SPHK1: variants seen among roughly 807,000 people sequenced by gnomAD.
The protein encoded by SPHK1 is SK 1.
SPHK1 carries 10 observed loss-of-function variants against 14.6 expected under a neutral mutation model. The ratio of observed to expected loss-of-function variants is 0.68; its 90% confidence interval spans 0.42 to 1.16. The LOEUF is 1.16. Ranked by LOEUF, SPHK1 falls within the 50% of genes most tolerant of loss-of-function variation. The probability of loss-of-function intolerance (pLI) is 0.00; values close to 1 mark genes in which losing one functional copy is unlikely to be tolerated. For missense variants in SPHK1, 553 were observed against 525.4 expected (o/e 1.05, Z -0.51); for synonymous variants, 274 against 224.0 (o/e 1.22, Z -1.99).
chr17:76,385,428 C>T lies in SPHK1; in HGVS notation c.-194-23C>T. On this transcript the variant is annotated intron_variant, in intron 1 of 5. Coordinates refer to ENST00000592299, the MANE Select transcript of SPHK1 (RefSeq NM_001142601.2). This position sits in a 1 kb window ranked among gnomAD's most constrained non-coding sequence, Gnocchi z 5.3. ...TGGCAGCTGCGGCCCCGGACTCCGC[C>T]AGCGCTGTCTTCTCTCCCTCAGGTC... 1.3e-6 allele frequency: 2 copies of T among 1,504,682 alleles called. No individual in the cohort carries two copies. Among genetic ancestry groups the T allele is most frequent in the Non-Finnish European group, 1.8e-6 (2 of 1,130,890 alleles). 93.2% of individuals were successfully genotyped at this position (1,504,682 alleles called of 1,614,324 possible).
At chr17:76,383,773 G>A, upstream of SPHK1, 4 of 1,193,512 alleles carry the variant, frequency 3.4e-6, no homozygotes, top group Non-Finnish European at 4.4e-6. Flanking sequence ...GGCCTCCAAA[G>A]AAGTGACAAC....
chr17:76,383,265 A>G (rs1455165897), upstream of SPHK1: 1 of 151,014 alleles, frequency 6.6e-6, no homozygotes, highest in Non-Finnish European at 1.5e-5. Context: ...GGGCCGCGCA[A>G]GGCGAAGGCG....
chr17:76,385,884 G>A lies in SPHK1; in HGVS notation c.11-101G>A. On this transcript the variant is annotated intron_variant, in intron 2 of 5. Transcript: ENST00000592299. The surrounding 1 kb of genome is among the most constrained non-coding windows in gnomAD (Gnocchi z 5.3). ...CTCCTCTGGCCAGGGTCAATTACCG[G>A]GGTGTTTCGGGCACCAAGTTCCCAC... 1 of 1,491,598 alleles carries A rather than the reference G, an allele frequency of 6.7e-7. No individual in the cohort carries two copies. The highest frequency in any genetic ancestry group is 2.5e-5 in the East Asian group (1 of 40,564). 92.4% of individuals were successfully genotyped at this position (1,491,598 alleles called of 1,614,324 possible). A position where few individuals can be genotyped will look rare whatever the true frequency, so the allele number is the denominator to read the frequency against.
At position 76,387,126 on chromosome 17, in the gene SPHK1, GCC is replaced by G; in HGVS notation, c.697_698del (p.Pro233GlyfsTer38). The G allele has an allele frequency of 6.2e-7, 1 of 1,613,238 alleles. No individual in the cohort carries two copies. ...GCCTCCCCCGTTGTGGTCCAGCAGG[GCC>G]CGGTAGATGCACACCTTGTGCCACT... On this transcript the variant is annotated frameshift_variant, in exon 6 of 6. Coordinates refer to ENST00000592299, the MANE Select transcript of SPHK1 (RefSeq NM_001142601.2). LOFTEE classifies it low-confidence loss of function (END_TRUNC). The surrounding 1 kb of genome is among the most constrained non-coding windows in gnomAD (Gnocchi z 4.1).
At position 76,385,869 on chromosome 17, in the gene SPHK1, C is replaced by T; in HGVS notation, c.11-116C>T. The T allele has an allele frequency of 6.7e-7, 1 of 1,487,942 alleles. No homozygotes were observed. Among genetic ancestry groups the T allele is most frequent in the Non-Finnish European group, 9.0e-7 (1 of 1,114,114 alleles). The allele number at this position is 1,487,942 out of a possible 1,614,324, so 92.2% of individuals were successfully genotyped here. ...TCCCAGCAAAGGCCGCTCCTCTGGC[C>T]AGGGTCAATTACCGGGGTGTTTCGG... On this transcript the variant is annotated intron_variant, in intron 2 of 5. Coordinates refer to ENST00000592299, the MANE Select transcript of SPHK1 (RefSeq NM_001142601.2). The surrounding 1 kb of genome is among the most constrained non-coding windows in gnomAD (Gnocchi z 5.3).
At chr17:76,384,874 G>C (rs944185478) in intron 1 of SPHK1, 68 bp downstream of exon 1, 2 of 432,606 alleles carry the variant, frequency 4.6e-6, no homozygotes, top group Non-Finnish European at 8.0e-6. Flanking sequence ...CGGGGCCCCG[G>C]GAACTGGGCC....
In SPHK1 at chr17:76,386,554, TC is replaced by T. The variant is rs757434966; in HGVS notation, c.374+47del. Reference sequence around the variant, plus strand: ...TAGGCCTGTTTCCCGTCAGTGCTCCTCTACCGCGGGGGTTTTCTTGTCTAAG... The same window carrying T: ...TAGGCCTGTTTCCCGTCAGTGCTCCTTACCGCGGGGGTTTTCTTGTCTAAG... On this transcript the variant is annotated intron_variant, in intron 5 of 5. Transcript: ENST00000592299. The surrounding 1 kb of genome is among the most constrained non-coding windows in gnomAD (Gnocchi z 5.3). 23 of 1,544,796 alleles carry T rather than the reference TC, an allele frequency of 1.5e-5. No homozygotes were observed. The highest frequency in any genetic ancestry group is 1.9e-5 in the Non-Finnish European group (22 of 1,132,686).
Position 76,386,296 on chromosome 17 carries a change from G to T in SPHK1, c.239G>T (p.Gly80Val). Residue 80 changes from glycine (G) to valine (V), a missense_variant, in exon 4 of 6, where the codon GGA becomes GTA. Gly to Val is a moderately radical substitution (Grantham distance 109). Transcript: ENST00000592299. The surrounding 1 kb of genome is among the most constrained non-coding windows in gnomAD (Gnocchi z 5.3). ...GRWDALVVMSGDGLMHEVVNG... is the reference protein window; with the variant it reads ...GRWDALVVMSVDGLMHEVVNG... ...TGGGACGCTCTGGTGGTCATGTCTG[G>T]AGACGGGCTGATGCACGAGGTGAGG... The T allele has an allele frequency of 6.2e-7, 1 of 1,603,282 alleles. No homozygotes were observed.
Position 76,385,207 on chromosome 17 carries a change from T to G in SPHK1, c.-194-244T>G. ...TCCGTCGGAGGGAGCCACGGGGCTCTGACTCATCCGTCGGGCCGGAACCGA... is the reference window on the plus strand; with the variant it reads ...TCCGTCGGAGGGAGCCACGGGGCTCGGACTCATCCGTCGGGCCGGAACCGA... On this transcript the variant is annotated intron_variant, in intron 1 of 5. Transcript: ENST00000592299. The surrounding 1 kb of genome is among the most constrained non-coding windows in gnomAD (Gnocchi z 5.3). 1 of 1,562,096 alleles carries G rather than the reference T, an allele frequency of 6.4e-7. No homozygotes were observed. Among genetic ancestry groups the G allele is most frequent in the Non-Finnish European group, 8.7e-7 (1 of 1,154,354 alleles).
Position 76,387,265 on chromosome 17 carries a change from C to T in SPHK1, c.834C>T (p.Gly278=). 1 of 1,613,380 alleles carries T rather than the reference C, an allele frequency of 6.2e-7. No individual in the cohort carries two copies. Among genetic ancestry groups the T allele is most frequent in the Non-Finnish European group, 8.5e-7 (1 of 1,179,918 alleles). ...LGSEMFAAPM[G]RCAAGVMHLF... is the part of the protein sequence containing the mutation. ...GTGAGATGTTTGCTGCACCCATGGG[C>T]CGCTGTGCAGCTGGCGTCATGCATC... Residue 278 remains glycine, a synonymous_variant, in exon 6 of 6, where the codon GGC becomes GGT. Coordinates refer to ENST00000592299, the MANE Select transcript of SPHK1 (RefSeq NM_001142601.2). This position sits in a 1 kb window ranked among gnomAD's most constrained non-coding sequence, Gnocchi z 4.1.
At position 76,387,726 on chromosome 17, in the gene SPHK1, G is replaced by C. The variant is rs575622098; in HGVS notation, c.*140G>C. On this transcript the variant is annotated 3_prime_UTR_variant, in exon 6 of 6. Transcript: ENST00000592299. The surrounding 1 kb of genome is among the most constrained non-coding windows in gnomAD (Gnocchi z 4.1). ...GTGAGAAGGTGGAGGCTATGCTTTG[G>C]GGGGACAGGCCAGAATGAAGTCCTG... 1.5e-5 allele frequency: 15 copies of C among 1,031,452 alleles called. No homozygotes were observed. The Admixed American group carries it at 2.1e-4, about 14-fold the overall frequency. 63.9% of individuals were successfully genotyped at this position (1,031,452 alleles called of 1,614,324 possible).
rs958447530 is a variant in SPHK1, at chr17:76,385,745, G to A, written c.10+91G>A. ...CGCCCAGCTGGACGAAAGGGGCTGT[G>A]GACGATCGGGAGAAACATTATCCCT... is the stretch of plus-strand genomic sequence containing the variant. On this transcript the variant is annotated intron_variant, in intron 2 of 5. Transcript: ENST00000592299. This position sits in a 1 kb window ranked among gnomAD's most constrained non-coding sequence, Gnocchi z 5.3. 1 of 1,434,018 alleles carries A rather than the reference G, an allele frequency of 7.0e-7. No individual in the cohort carries two copies. The highest frequency in any genetic ancestry group is 1.4e-5 in the African/African-American group (1 of 70,910). 88.8% of individuals were successfully genotyped at this position (1,434,018 alleles called of 1,614,324 possible).
At position 76,385,764 on chromosome 17, in the gene SPHK1, T is replaced by A. The variant is rs901121553; in HGVS notation, c.10+110T>A. 2.1e-6 allele frequency: 3 copies of A among 1,422,638 alleles called. No individual in the cohort carries two copies. Among genetic ancestry groups the A allele is most frequent in the Non-Finnish European group, 2.9e-6 (3 of 1,045,952 alleles). 88.1% of individuals were successfully genotyped at this position (1,422,638 alleles called of 1,614,324 possible). On this transcript the variant is annotated intron_variant, in intron 2 of 5. Transcript: ENST00000592299. This position sits in a 1 kb window ranked among gnomAD's most constrained non-coding sequence, Gnocchi z 5.3. ...GGCTGTGGACGATCGGGAGAAACAT[T>A]ATCCCTCACGAGGCCAGAAGCCGGC...
chr17:76,386,191 C>A lies in SPHK1; in HGVS notation c.164-30C>A. The A allele has an allele frequency of 1.9e-6, 3 of 1,594,668 alleles. No homozygotes were observed. Among genetic ancestry groups the A allele is most frequent in the Non-Finnish European group, 2.6e-6 (3 of 1,175,434 alleles). ...AGCATCCCCTGGCAGGGGACCCCCC[C>A]AGTCCTGATAGCTGCCGGTCTCCCT... On this transcript the variant is annotated intron_variant, in intron 3 of 5. Coordinates refer to ENST00000592299, the MANE Select transcript of SPHK1 (RefSeq NM_001142601.2). The surrounding 1 kb of genome is among the most constrained non-coding windows in gnomAD (Gnocchi z 5.3).
intron 1 of SPHK1, 143 bp downstream of exon 1, chr17:76,384,949 C>T (rs2071935044): frequency 1.2e-6 from 1 of 818,168 alleles, no homozygotes; most frequent in East Asian, 3.4e-5. Context: ...TTTGGCGCGA[C>T]CCGGGAGCGG....
In SPHK1 at chr17:76,386,539, T is replaced by TC. The variant is rs754072945; in HGVS notation, c.374+34dup. 6.9e-6 allele frequency: 11 copies of TC among 1,583,714 alleles called. No individual in the cohort carries two copies. In the East Asian group the frequency reaches 2.2e-4, roughly 32 times the overall value. ...AGCCCAGGGCCAGAGTAGGCCTGTT[T>TC]CCCGTCAGTGCTCCTCTACCGCGGG... is the stretch of plus-strand genomic sequence containing the variant. On this transcript the variant is annotated intron_variant, in intron 5 of 5. Transcript: ENST00000592299. This position sits in a 1 kb window ranked among gnomAD's most constrained non-coding sequence, Gnocchi z 5.3.
In SPHK1 at chr17:76,386,190, C is replaced by A. The variant is rs749335456; in HGVS notation, c.164-31C>A. 1.0e-5 allele frequency: 16 copies of A among 1,594,782 alleles called. No homozygotes were observed. The highest frequency in any genetic ancestry group is 1.2e-5 in the Non-Finnish European group (14 of 1,175,484). ...GAGCATCCCCTGGCAGGGGACCCCCCCAGTCCTGATAGCTGCCGGTCTCCC... is the reference window on the plus strand; with the variant it reads ...GAGCATCCCCTGGCAGGGGACCCCCACAGTCCTGATAGCTGCCGGTCTCCC... On this transcript the variant is annotated intron_variant, in intron 3 of 5. Coordinates refer to ENST00000592299, the MANE Select transcript of SPHK1 (RefSeq NM_001142601.2). The surrounding 1 kb of genome is among the most constrained non-coding windows in gnomAD (Gnocchi z 5.3).
At position 76,387,099 on chromosome 17, in the gene SPHK1, C is replaced by T. The variant is rs750105294; in HGVS notation, c.668C>T (p.Pro223Leu). The T allele has an allele frequency of 6.2e-7, 1 of 1,613,198 alleles. No individual in the cohort carries two copies. Among genetic ancestry groups the T allele is most frequent in the African/African-American group, 1.3e-5 (1 of 74,930 alleles). The change falls in exon 6 of 6, where the codon CCT becomes CTT. Residue 223 changes from proline to leucine, a missense_variant. Transcript: ENST00000592299. This position sits in a 1 kb window ranked among gnomAD's most constrained non-coding sequence, Gnocchi z 4.1. ...GTAGGAAGAGTGGGTTCCAAGACAC[C>T]TGCCTCCCCCGTTGTGGTCCAGCAG... ...LPVGRVGSKT[P>L]ASPVVVQQGP...
In SPHK1 at chr17:76,386,595, G is replaced by T. The variant is rs1331437610; in HGVS notation, c.374+87G>T. ...TCTTGTCTAAGCTCCCATAGGCTGAGATCATTTCCATTTCCCCTTCTCCCT... is the reference window on the plus strand; with the variant it reads ...TCTTGTCTAAGCTCCCATAGGCTGATATCATTTCCATTTCCCCTTCTCCCT... On this transcript the variant is annotated intron_variant, in intron 5 of 5. Transcript: ENST00000592299. The surrounding 1 kb of genome is among the most constrained non-coding windows in gnomAD (Gnocchi z 5.3). The T allele has an allele frequency of 3.7e-6, 5 of 1,342,700 alleles. No homozygotes were observed. Among genetic ancestry groups the T allele is most frequent in the Non-Finnish European group, 5.1e-6 (5 of 981,886 alleles). The allele number at this position is 1,342,700 out of a possible 1,614,324, so 83.2% of individuals were successfully genotyped here.
Sources: allele counts gnomAD v4.1 joint callset, GRCh38; gene constraint gnomAD v4.1.1; non-coding constraint Gnocchi (gnomAD v3.1); transcripts MANE v1.5; gene names NCBI Gene and HGNC (gene_info 2026-07-23, HGNC 2026-07-21).